RAB3GAP2: variants seen among roughly 807,000 people sequenced by gnomAD.
The protein encoded by RAB3GAP2 is rab3 GTPase-activating protein non-catalytic subunit.
A neutral mutation model predicts 185.3 loss-of-function variants in RAB3GAP2; 87 were observed. The ratio of observed to expected loss-of-function variants is 0.47; its 90% CI spans 0.39 to 0.56. The LOEUF (loss-of-function observed/expected upper bound fraction) is 0.56. Ranked by LOEUF, RAB3GAP2 falls within the 20% of genes least tolerant of loss-of-function variation. The pLI, the probability that RAB3GAP2 is intolerant of heterozygous loss-of-function variation, is 0.00. For missense variants in RAB3GAP2, 1,492 were observed against 1,638.2 expected (o/e 0.91, Z 1.54); for synonymous variants, 554 against 576.1 (o/e 0.96, Z 0.55).
chr1:220,226,181 T>C (rs1452211274), intron 2 of RAB3GAP2, among the ~76,000 whole-genome samples: 1 of 152,168 alleles, frequency 6.6e-6, no homozygotes, highest in Non-Finnish European at 1.5e-5. Context: ...ATTTACCACC[T>C]ATTAACCACT....
intron 21 of RAB3GAP2, among the ~76,000 whole-genome samples, chr1:220,178,911 G>A (rs967396299): frequency 2.6e-5 from 4 of 151,990 alleles, no homozygotes; most frequent in Non-Finnish European, 5.9e-5. Flanking sequence ...GGAGATAATA[G>A]CTTAGGCCCA....
rs529871645 is a variant in RAB3GAP2 at position 220,230,729 on chromosome 1, A to G, written c.180+2070T>C. Reference sequence around the variant, plus strand: ...GTTTTTTAAAAACTTCTTATTATGGATATTTAAAAATATTAACAAAAGTAA... The same window carrying G: ...GTTTTTTAAAAACTTCTTATTATGGGTATTTAAAAATATTAACAAAAGTAA... On this transcript the variant is annotated intron_variant, in intron 2 of 34. Transcript: ENST00000358951. 1.1e-4 allele frequency among the ~76,000 whole-genome samples: 16 copies of G among 152,302 alleles called. No individual in the cohort carries two copies. The East Asian group carries it at 2.5e-3, about 24-fold the overall frequency.
At chr1:220,157,130 C>T (rs537097140) in intron 31 of RAB3GAP2, 140 bp downstream of exon 31, 64 of 764,104 alleles carry the variant, frequency 8.4e-5, no homozygotes, top group Admixed American at 5.3e-4. Flanking sequence ...CGGAATCAAG[C>T]AGGGAATGAG....
At chr1:220,172,374 A>C (rs1033267273) in intron 22 of RAB3GAP2, among the ~76,000 whole-genome samples, 1 of 152,198 alleles carries the variant, frequency 6.6e-6, no homozygotes, top group African/African-American at 2.4e-5. Context: ...TTCCCCGAAG[A>C]CCATTCCATT....
chr1:220,167,257 G>A lies in RAB3GAP2; in HGVS notation c.3087+36C>T, dbSNP rs1658086233. Reference sequence around the variant, plus strand: ...ATATATGAATAGCATGAACACAGAAGCAGAAATAACATGAAAGAGGTAACG... The same window carrying A: ...ATATATGAATAGCATGAACACAGAAACAGAAATAACATGAAAGAGGTAACG... On this transcript the variant is annotated intron_variant, in intron 26 of 34. Coordinates refer to ENST00000358951, the MANE Select transcript of RAB3GAP2 (RefSeq NM_012414.4). 3 of 1,551,216 alleles carry A rather than the reference G, an allele frequency of 1.9e-6. No homozygotes were observed. The African/African-American group carries it at 4.1e-5, about 21-fold the overall frequency.
At chr1:220,202,146 C>T in intron 9 of RAB3GAP2, 130 bp downstream of exon 9, 1 of 1,014,778 alleles carries the variant, frequency 9.9e-7, no homozygotes, top group Non-Finnish European at 1.3e-6. Flanking sequence ...GCCTGGGTGA[C>T]AGAGCAAAGC....
At chr1:220,266,558 T>C in intron 1 of RAB3GAP2, 2 of 743,326 alleles carry the variant, frequency 2.7e-6, no homozygotes, top group Non-Finnish European at 4.6e-6. Flanking sequence ...GTAGGGAGGT[T>C]AAGGCACACC....
intron 16 of RAB3GAP2, 97 bp downstream of exon 16, chr1:220,189,967 A>T: frequency 8.8e-7 from 1 of 1,136,878 alleles, no homozygotes; most frequent in Non-Finnish European, 1.3e-6. Context: ...CAATAAGCTC[A>T]TCCATGCATT....
chr1:220,248,866 T>C (rs1659875106), intron 1 of RAB3GAP2, among the ~76,000 whole-genome samples: 1 of 152,176 alleles, frequency 6.6e-6, no homozygotes, highest in Non-Finnish European at 1.5e-5. Flanking sequence ...TTCCCCCACT[T>C]TGCTCTCACT....
chr1:220,209,138 T>G (rs1392097479), intron 7 of RAB3GAP2, among the ~76,000 whole-genome samples: 2 of 152,220 alleles, frequency 1.3e-5, no homozygotes, highest in Non-Finnish European at 2.9e-5. Context: ...GCCTCCCTAA[T>G]TCCAGTTTAT....
chr1:220,154,721 C>CTT (rs368964533), intron 31 of RAB3GAP2, among the ~76,000 whole-genome samples: 8,626 of 133,260 alleles, frequency 0.065, 427 homozygotes, highest in East Asian at 0.1. Context: ...ACCCTGAATC[C>CTT]TTTTTTTTTT....
At chr1:220,209,460 C>A (rs926171475) in intron 7 of RAB3GAP2, among the ~76,000 whole-genome samples, 1 of 152,086 alleles carries the variant, frequency 6.6e-6, no homozygotes, top group Non-Finnish European at 1.5e-5. Flanking sequence ...GCAAATCTCG[C>A]CTCATCAATG....
chr1:220,235,920 T>A (rs1257009910), intron 1 of RAB3GAP2, among the ~76,000 whole-genome samples: 1 of 152,224 alleles, frequency 6.6e-6, no homozygotes, highest in Non-Finnish European at 1.5e-5. Flanking sequence ...CTGGAAAGCT[T>A]CTTTCAACAA....
At chr1:220,241,823 T>C (rs1403697066) in intron 1 of RAB3GAP2, among the ~76,000 whole-genome samples, 1 of 152,024 alleles carries the variant, frequency 6.6e-6, no homozygotes, top group Admixed American at 6.5e-5. Context: ...TACATGTCTA[T>C]TATAATTCTG....
intron 21 of RAB3GAP2, among the ~76,000 whole-genome samples, chr1:220,178,143 T>A (rs1195388039): frequency 6.6e-6 from 1 of 152,150 alleles, no homozygotes; most frequent in Non-Finnish European, 1.5e-5. Context: ...GGGCAGTATG[T>A]TCAGAGTGTT....
chr1:220,175,285 G>T (rs2102861242), intron 21 of RAB3GAP2, among the ~76,000 whole-genome samples: 1 of 151,492 alleles, frequency 6.6e-6, no homozygotes, highest in African/African-American at 2.4e-5. Context: ...GGAGTGCAGT[G>T]GCGCGATCTT....
chr1:220,269,728 A>C (rs1187715974), intron 1 of RAB3GAP2, among the ~76,000 whole-genome samples: 1 of 152,188 alleles, frequency 6.6e-6, no homozygotes, highest in Non-Finnish European at 1.5e-5. Flanking sequence ...TCTCAAAAAA[A>C]AAGGCAATGT....
chr1:220,164,274 T>C (rs1173978222), intron 27 of RAB3GAP2, among the ~76,000 whole-genome samples: 2 of 152,074 alleles, frequency 1.3e-5, no homozygotes, highest in Admixed American at 6.5e-5. Flanking sequence ...GCAGCTGTTC[T>C]GCATCTATCA....
intron 13 of RAB3GAP2, among the ~76,000 whole-genome samples, chr1:220,191,887 C>T (rs1048951619): frequency 6.6e-6 from 1 of 151,964 alleles, no homozygotes; most frequent in African/African-American, 2.4e-5. Flanking sequence ...CTCTCATTCC[C>T]TTCCCTTCCC....
Sources: gnomAD v4.1 joint callset for allele counts (sites outside exome capture counted in the v4.1 genomes callset) on GRCh38, gnomAD v4.1.1 for gene constraint, MANE v1.5 for transcripts, NCBI Gene and HGNC (gene_info 2026-07-23, HGNC 2026-07-21) for gene names.